Variants in SDK1 observed in about 807,000 individuals in gnomAD.
SDK1 encodes the protein sidekick cell adhesion molecule 1.
A neutral mutation model predicts 245.5 loss-of-function variants in SDK1; 157 were observed. The ratio of observed to expected loss-of-function variants is 0.64; its 90% confidence interval spans 0.56 to 0.73. SDK1 has a LOEUF of 0.73. Ranked by LOEUF, SDK1 falls within the 30% of genes least tolerant of loss-of-function variation. The pLI, the probability that SDK1 is intolerant of heterozygous loss-of-function variation, is 0.00. For missense variants in SDK1, 3,583 were observed against 3,002.3 expected, an observed-to-expected ratio of 1.19 and a Z score of -4.52; for synonymous variants, 1,647 against 1,278.5, an observed-to-expected ratio of 1.29 and a Z score of -6.15.
At chr7:3,978,681 T>C (rs1783156758) in intron 13 of SDK1, among the ~76,000 whole-genome samples, 1 of 152,192 alleles carries the variant, frequency 6.6e-6, no homozygotes. Flanking sequence ...TGCAGGGCAT[T>C]CTGTCCTTCT....
intron 5 of SDK1, among the ~76,000 whole-genome samples, chr7:3,822,421 A>C (rs1779668333): frequency 1.3e-5 from 2 of 152,136 alleles, no homozygotes; most frequent in South Asian, 4.1e-4. Flanking sequence ...ATAGTAGTGG[A>C]TTTTATCTTT....
intron 1 of SDK1, among the ~76,000 whole-genome samples, chr7:3,351,341 C>G (rs1414324798): frequency 1.3e-5 from 2 of 151,948 alleles, no homozygotes; most frequent in Non-Finnish European, 2.9e-5. Flanking sequence ...TTACTCAACA[C>G]AAGGAGAAAA....
At chr7:3,345,565 C>CT (rs1221627346) in intron 1 of SDK1, among the ~76,000 whole-genome samples, 2 of 152,094 alleles carry the variant, frequency 1.3e-5, no homozygotes, top group Non-Finnish European at 2.9e-5. Flanking sequence ...CATGAGTTAT[C>CT]TTTTTTTCCA....
rs908439481 is a variant in SDK1, at chr7:4,228,254, C to T, written c.5828-5001C>T. On this transcript the variant is annotated intron_variant, in intron 40 of 44. Coordinates refer to ENST00000404826, the MANE Select transcript of SDK1 (RefSeq NM_152744.4). Reference sequence around the variant, plus strand: ...TTTCTTAGTGGTATTTCTCCAATGGCGTTTCAGTAACAAGAGTCCAGGAAG... The same window carrying T: ...TTTCTTAGTGGTATTTCTCCAATGGTGTTTCAGTAACAAGAGTCCAGGAAG... Among the ~76,000 whole-genome samples, 12 of 152,276 alleles carry T rather than the reference C, an allele frequency of 7.9e-5. No individual in the cohort carries two copies. In the South Asian group the frequency reaches 1.5e-3, roughly 18 times the overall value.
intron 25 of SDK1, among the ~76,000 whole-genome samples, chr7:4,125,263 TGATG>T (rs1784317195): frequency 1.4e-5 from 2 of 143,142 alleles, no homozygotes; most frequent in Non-Finnish European, 3.0e-5. Context: ...GATGGATGGG[TGATG>T]GATGGATGGA....
rs1343503141 is a variant in SDK1, at chr7:4,265,883, G to C, written c.*499G>C. 2 of 987,362 alleles carry C rather than the reference G, an allele frequency of 2.0e-6. No homozygotes were observed. Among genetic ancestry groups the C allele is most frequent in the African/African-American group, 1.7e-5 (1 of 57,440 alleles). The allele number at this position is 987,362 out of a possible 1,614,324, so 61.2% of individuals were successfully genotyped here. A position where few individuals can be genotyped will look rare whatever the true frequency, so the allele number is the denominator to read the frequency against. On this transcript the variant is annotated 3_prime_UTR_variant, in exon 45 of 45. Transcript: ENST00000404826. The stretch of plus-strand genomic sequence containing the variant: ...GGCTCCTGGGGTTTGAAGAGCAAAC[G>C]TTTTTCCCTGGGCTCAGTGCGTTTT...
chr7:3,637,645 GTA>G (rs1169455024), intron 2 of SDK1, among the ~76,000 whole-genome samples: 1 of 152,156 alleles, frequency 6.6e-6, no homozygotes, highest in African/African-American at 2.4e-5. Flanking sequence ...TATAGAAACT[GTA>G]TCTTTTAATT....
In SDK1 at chr7:3,785,956, G is replaced by A. The variant is rs9655328; in HGVS notation, c.714-35494G>A. Among the ~76,000 whole-genome samples, 855 of 152,286 alleles carry A rather than the reference G, an allele frequency of 5.6e-3. 9 individuals are homozygous for A. Among genetic ancestry groups the A allele is most frequent in the African/African-American group, 0.02 (821 of 41,556 alleles). Reference sequence around the variant, plus strand: ...TTTATTTCAAATTAACAGTTTTAGCGATTGCTTGCTTTTATTAGGTCATGC... The same window carrying A: ...TTTATTTCAAATTAACAGTTTTAGCAATTGCTTGCTTTTATTAGGTCATGC... On this transcript the variant is annotated intron_variant, in intron 4 of 44. Transcript: ENST00000404826.
At chr7:4,061,289 C>A (rs941927379) in intron 19 of SDK1, among the ~76,000 whole-genome samples, 1 of 152,080 alleles carries the variant, frequency 6.6e-6, no homozygotes, top group Admixed American at 6.5e-5. Flanking sequence ...GAATGTTCTT[C>A]CATTTGTTTG....
At chr7:3,335,328 A>G (rs1780172443) in intron 1 of SDK1, among the ~76,000 whole-genome samples, 1 of 152,134 alleles carries the variant, frequency 6.6e-6, no homozygotes, top group South Asian at 2.1e-4. Context: ...CACCTGGCTT[A>G]CCAAGTTACT....
intron 1 of SDK1, among the ~76,000 whole-genome samples, chr7:3,400,040 TGA>T (rs2128573001): frequency 6.6e-6 from 1 of 152,222 alleles, no homozygotes; most frequent in South Asian, 2.1e-4. Context: ...GGGGCTTCCC[TGA>T]GAGCTGTGAA....
intron 13 of SDK1, among the ~76,000 whole-genome samples, chr7:3,979,100 A>G (rs1005794082): frequency 2.0e-5 from 3 of 152,198 alleles, no homozygotes; most frequent in African/African-American, 7.2e-5. Flanking sequence ...AAAGGGCTGC[A>G]CAGGAGGCCC....
At chr7:3,893,924 T>C (rs1781527055) in intron 5 of SDK1, among the ~76,000 whole-genome samples, 1 of 152,164 alleles carries the variant, frequency 6.6e-6, no homozygotes, top group Admixed American at 6.5e-5. Context: ...AGGTTTACAC[T>C]GGAATTAGAA....
rs144679302 is a variant in SDK1 at position 4,071,062 on chromosome 7, G to T, written c.3010+3126G>T. 5.7e-4 allele frequency among the ~76,000 whole-genome samples: 86 copies of T among 151,996 alleles called. 1 individual carries two copies. Among genetic ancestry groups the T allele is most frequent in the African/African-American group, 1.9e-3 (79 of 41,464 alleles). Reference sequence around the variant, plus strand: ...ATTTTTTGAAATGGAGTGTCTCTCTGTCACCCAGGTTGGAGTGCAGTGGTG... The same window carrying T: ...ATTTTTTGAAATGGAGTGTCTCTCTTTCACCCAGGTTGGAGTGCAGTGGTG... On this transcript the variant is annotated intron_variant, in intron 20 of 44. Transcript: ENST00000404826.
intron 33 of SDK1, among the ~76,000 whole-genome samples, chr7:4,175,153 A>G (rs549648832): frequency 3.3e-5 from 5 of 152,268 alleles, no homozygotes; most frequent in South Asian, 2.1e-4. Flanking sequence ...CTATGCTCCT[A>G]TGCTCACACA....
rs139217872 is a variant in SDK1 at position 4,037,364 on chromosome 7, A to G, written c.2603-11984A>G. 2.6e-3 allele frequency among the ~76,000 whole-genome samples: 372 copies of G among 142,964 alleles called. 3 individuals carry two copies. Among genetic ancestry groups the G allele is most frequent in the African/African-American group, 0.01 (350 of 34,152 alleles). The allele number at this position is 142,964 out of a possible 152,430, so 93.8% of individuals were successfully genotyped here. On this transcript the variant is annotated intron_variant, in intron 17 of 44. Transcript: ENST00000404826. ...TAGGCATGGTGGCTCATTACCTGTA[A>G]TCCCAATACTTTGGGAGGATGAGGT...
intron 1 of SDK1, among the ~76,000 whole-genome samples, chr7:3,387,852 A>C (rs935535253): frequency 6.6e-6 from 1 of 152,342 alleles, no homozygotes; most frequent in African/African-American, 2.4e-5. Flanking sequence ...GTTGCGGTTT[A>C]CTTAATCCTC....
intron 1 of SDK1, among the ~76,000 whole-genome samples, chr7:3,489,986 T>C (rs746332114): frequency 2.6e-5 from 4 of 152,196 alleles, no homozygotes; most frequent in African/African-American, 4.8e-5. Context: ...GGTTTTTTTT[T>C]CCCCTCGTGC....
chr7:3,984,914 A>G (rs6960749), intron 13 of SDK1, among the ~76,000 whole-genome samples: 71,284 of 152,056 alleles, frequency 0.47, 17,892 homozygotes, highest in South Asian at 0.69. Context: ...ATTTTCCCTC[A>G]ACCCTGTCTG....
Sources: gnomAD v4.1 joint callset for allele counts (sites outside exome capture counted in the v4.1 genomes callset) on GRCh38, gnomAD v4.1.1 for gene constraint, MANE v1.5 for transcripts, NCBI Gene and HGNC (gene_info 2026-07-23, HGNC 2026-07-21) for gene names.